SORCS2: variants seen among roughly 807,000 people sequenced by gnomAD.
The protein encoded by SORCS2 is VPS10 domain-containing receptor SorCS2.
In SORCS2, 100 loss-of-function variants were observed where a neutral mutation model predicts 141.6. That is an observed-to-expected ratio of 0.71 (90% confidence interval 0.60 to 0.83). SORCS2 has a LOEUF of 0.83. Among genes scored for constraint, SORCS2 ranks in the 40% least tolerant of loss-of-function variants. The pLI, the probability that SORCS2 is intolerant of heterozygous loss-of-function variation, is 0.00. For synonymous variants in SORCS2, 789 were observed against 676.9 expected (o/e 1.17, Z -2.57); for missense variants, 1,646 against 1,560.2 (o/e 1.05, Z -0.93).
At chr4:7,276,791 C>A (rs1382894347) in intron 1 of SORCS2, among the ~76,000 whole-genome samples, 2 of 152,220 alleles carry the variant, frequency 1.3e-5, no homozygotes, top group African/African-American at 4.8e-5. Flanking sequence ...TCTCTCCAGC[C>A]ACACCTAGTG....
At chr4:7,387,626 TGCACACAC>T (rs1400046845) in intron 1 of SORCS2, among the ~76,000 whole-genome samples, 9 of 89,178 alleles carry the variant, frequency 1.0e-4, no homozygotes, top group South Asian at 7.8e-4. Flanking sequence ...CATACACATT[TGCACACAC>T]GCACACACAT....
In SORCS2 at chr4:7,740,595, C is replaced by G. The variant is rs368404127; in HGVS notation, c.*331C>G. The G allele has an allele frequency of 1.8e-5, 7 of 389,106 alleles. No homozygotes were observed. The highest frequency in any genetic ancestry group is 8.0e-5 in the African/African-American group (4 of 50,312). 24.1% of individuals were successfully genotyped at this position (389,106 alleles called of 1,614,324 possible). A position where few individuals can be genotyped will look rare whatever the true frequency, so the allele number is the denominator to read the frequency against. ...CTGACTTCTCTGGGCTGAGGCTGGT[C>G]GTCCTGGAGCCCTCCCAGTACCTCG... On this transcript the variant is annotated 3_prime_UTR_variant, in exon 27 of 27. Transcript: ENST00000507866.
chr4:7,607,830 C>T (rs1718157342), intron 3 of SORCS2, among the ~76,000 whole-genome samples: 1 of 152,078 alleles, frequency 6.6e-6, no homozygotes, highest in South Asian at 2.1e-4. Context: ...GAGATAGGTG[C>T]TCCTCAGCCC....
chr4:7,667,169 A>C lies in SORCS2; in HGVS notation c.1117A>C (p.Asn373His). 6.2e-7 allele frequency: 1 copy of C among 1,613,844 alleles called. No individual in the cohort carries two copies. The highest frequency in any genetic ancestry group is 8.5e-7 in the Non-Finnish European group (1 of 1,179,764). Reference protein sequence around the residue: ...QTKYYVSYRRNEFVLMKLPKY... With the variant: ...QTKYYVSYRRHEFVLMKLPKY... ...AAAATACTACGTCTCTTATCGTCGA[A>C]ATGAATTTGTCCTGATGAAGCTGCC... Residue 373 changes from asparagine to histidine, a missense_variant, in exon 8 of 27, where the codon AAT becomes CAT. By Grantham distance (68) the Asn-to-His change is moderately conservative (BLOSUM62 1). Coordinates refer to ENST00000507866, the MANE Select transcript of SORCS2 (RefSeq NM_020777.3).
At chr4:7,366,657 C>T (rs1196692254) in intron 1 of SORCS2, among the ~76,000 whole-genome samples, 1 of 152,094 alleles carries the variant, frequency 6.6e-6, no homozygotes, top group Non-Finnish European at 1.5e-5. Flanking sequence ...GTCTCAGCTC[C>T]TTGTCACCAC....
chr4:7,387,757 CAG>C (rs1265229847), intron 1 of SORCS2, among the ~76,000 whole-genome samples: 1 of 133,746 alleles, frequency 7.5e-6, no homozygotes, highest in Non-Finnish European at 1.7e-5. Flanking sequence ...CACAGATACA[CAG>C]AAATACACAC....
At chr4:7,387,568 C>G (rs1230013631) in intron 1 of SORCS2, among the ~76,000 whole-genome samples, 1 of 150,872 alleles carries the variant, frequency 6.6e-6, no homozygotes, top group African/African-American at 2.5e-5. Context: ...TGTACACACG[C>G]ACACATGCAC....
chr4:7,552,451 C>G (rs1254854089), intron 3 of SORCS2, among the ~76,000 whole-genome samples: 4 of 152,144 alleles, frequency 2.6e-5, no homozygotes, highest in African/African-American at 4.8e-5. Context: ...GCTCTGATTT[C>G]TCTGACAAAA....
intron 2 of SORCS2, among the ~76,000 whole-genome samples, chr4:7,486,564 G>A (rs772069648): frequency 6.6e-6 from 1 of 152,210 alleles, no homozygotes; most frequent in Non-Finnish European, 1.5e-5. Flanking sequence ...TGGAGCCTGC[G>A]GTAGCTTCCC....
intron 2 of SORCS2, among the ~76,000 whole-genome samples, chr4:7,480,452 C>T (rs1170199629): frequency 6.6e-6 from 1 of 152,212 alleles, no homozygotes; most frequent in Non-Finnish European, 1.5e-5. Flanking sequence ...GTTGGAGGAA[C>T]CTGACCCACT....
intron 21 of SORCS2, 114 bp downstream of exon 21, chr4:7,727,017 T>A: frequency 8.0e-7 from 1 of 1,249,678 alleles, no homozygotes; most frequent in East Asian, 2.7e-5. Flanking sequence ...TGAGTGGCCC[T>A]GGGGTGGGGA....
At chr4:7,459,853 T>A (rs1296281636) in intron 2 of SORCS2, among the ~76,000 whole-genome samples, 1 of 152,176 alleles carries the variant, frequency 6.6e-6, no homozygotes, top group Non-Finnish European at 1.5e-5. Context: ...GCCATCCACT[T>A]TGGGGAGAAG....
Position 7,738,063 on chromosome 4 carries a change from G to A in SORCS2, c.3415+891G>A, listed in dbSNP as rs186554218. ...TCAGGGCCTGGCCTTGAAGTCATACGCTGTCACTTGTGTCTTGCCCTGTCC... is the reference window on the plus strand; with the variant it reads ...TCAGGGCCTGGCCTTGAAGTCATACACTGTCACTTGTGTCTTGCCCTGTCC... On this transcript the variant is annotated intron_variant, in intron 26 of 26. Coordinates refer to ENST00000507866, the MANE Select transcript of SORCS2 (RefSeq NM_020777.3). Among the ~76,000 whole-genome samples, 8 of 152,360 alleles carry A rather than the reference G, an allele frequency of 5.3e-5. No homozygotes were observed. In the East Asian group the frequency reaches 7.7e-4, roughly 15 times the overall value.
At chr4:7,288,954 C>T (rs1340528514) in intron 1 of SORCS2, among the ~76,000 whole-genome samples, 1 of 151,928 alleles carries the variant, frequency 6.6e-6, no homozygotes, top group African/African-American at 2.4e-5. Flanking sequence ...AGGAAGCCTT[C>T]CTATCTTTCC....
chr4:7,728,537 G>A (rs1456369457), intron 22 of SORCS2, 75 bp downstream of exon 22: 8 of 1,110,998 alleles, frequency 7.2e-6, no homozygotes, highest in Non-Finnish European at 1.0e-5. Context: ...GGGCCCCGGG[G>A]TGCTCAGGGA....
intron 3 of SORCS2, among the ~76,000 whole-genome samples, chr4:7,571,967 C>T (rs1715430642): frequency 1.3e-5 from 2 of 152,166 alleles, no homozygotes; most frequent in Admixed American, 1.3e-4. Flanking sequence ...GCCTGTCCTC[C>T]AGGCACCAGG....
At chr4:7,401,124 T>A (rs1371689802) in intron 2 of SORCS2, among the ~76,000 whole-genome samples, 2 of 151,802 alleles carry the variant, frequency 1.3e-5, no homozygotes, top group Admixed American at 6.6e-5. Context: ...GGTGGATGAA[T>A]GGATGGATAG....
chr4:7,451,632 C>G (rs1342607468), intron 2 of SORCS2, among the ~76,000 whole-genome samples: 3 of 152,266 alleles, frequency 2.0e-5, no homozygotes, highest in Non-Finnish European at 2.9e-5. Flanking sequence ...GGCATGCAGT[C>G]TGCCCATGGG....
chr4:7,684,460 C>CTACTAACA (rs1224293733), intron 10 of SORCS2, among the ~76,000 whole-genome samples: 2 of 152,160 alleles, frequency 1.3e-5, no homozygotes, highest in Non-Finnish European at 2.9e-5. Context: ...CAGCAAGCTC[C>CTACTAACA]TACTAACACC....
Sources: gnomAD v4.1 joint callset for allele counts (sites outside exome capture counted in the v4.1 genomes callset) on GRCh38, gnomAD v4.1.1 for gene constraint, MANE v1.5 for transcripts, NCBI Gene and HGNC (gene_info 2026-07-23, HGNC 2026-07-21) for gene names.